The following FAM210A variants were observed in gnomAD, a reference collection of about 807,000 sequenced individuals.
FAM210A encodes mitochondrial inner membrane scaffold 1, also known as family with sequence similarity 210 member A.
In FAM210A, 13 loss-of-function variants were observed where a neutral mutation model predicts 25.3. The observed-to-expected ratio is 0.51, with a 90% CI of 0.33 to 0.82. The LOEUF is 0.82. Ranked by LOEUF, FAM210A falls within the 40% of genes least tolerant of loss-of-function variation. The probability of loss-of-function intolerance (pLI) is 0.02; values close to 1 mark genes in which losing one functional copy is unlikely to be tolerated. For synonymous variants in FAM210A, 125 were observed against 118.7 expected (o/e 1.05, Z -0.35); for missense variants, 319 against 323.2 (o/e 0.99, Z 0.10).
chr18:13,682,012 A>T lies in FAM210A; in HGVS notation c.66T>A (p.Asn22Lys), dbSNP rs552403778. Residue 22 changes from asparagine to lysine, a missense_variant, in exon 2 of 4, where the codon AAT (asparagine) becomes AAA (lysine). Coordinates refer to ENST00000651643, the MANE Select transcript of FAM210A (RefSeq NM_152352.4). ...LARRTCLEPH[N>K]AGLFGHCQNV... is the part of the protein sequence containing the mutation. ...TTTGACAGTGTCCAAAGAGACCAGC[A>T]TTATGTGGTTCCAAGCATGTCCTGC... is the stretch of plus-strand genomic sequence containing the variant. 6.2e-7 allele frequency: 1 copy of T among 1,614,084 alleles called. No homozygotes were observed. Among genetic ancestry groups the T allele is most frequent in the Admixed American group, 1.7e-5 (1 of 60,016 alleles).
chr18:13,682,173 A>C (rs2043561091), intron 1 of FAM210A, 68 bp from the exon 2 acceptor site: 1 of 1,048,286 alleles, frequency 9.5e-7, no homozygotes, highest in Admixed American at 2.5e-5. Context: ...ATTCATTTGA[A>C]AATCAATCAT....
At chr18:13,714,411 A>T (rs949916619) in intron 1 of FAM210A, among the ~76,000 whole-genome samples, 2 of 152,210 alleles carry the variant, frequency 1.3e-5, no homozygotes, top group Non-Finnish European at 2.9e-5. Context: ...AAAGGCACAG[A>T]GTGTCAATAT....
rs371437881 is a variant in FAM210A at position 13,669,191 on chromosome 18, T to C, written c.586-2478A>G. On this transcript the variant is annotated intron_variant, in intron 3 of 3. Coordinates refer to ENST00000651643, the MANE Select transcript of FAM210A (RefSeq NM_152352.4). ...CACTATTGCCTCTCAACTAAAATAC[T>C]GTAATCACCTCACCTCACACCAGGT... Among the ~76,000 whole-genome samples, 101 of 152,296 alleles carry C rather than the reference T, an allele frequency of 6.6e-4. 1 individual carries two copies. In the South Asian group the frequency reaches 0.02, roughly 29 times the overall value.
intron 1 of FAM210A, among the ~76,000 whole-genome samples, chr18:13,699,046 G>A (rs1031560312): frequency 2.0e-5 from 3 of 152,090 alleles, no homozygotes; most frequent in Non-Finnish European, 2.9e-5. Flanking sequence ...CTGACCTCAC[G>A]CAATCCCACT....
At chr18:13,715,083 T>C (rs1370663514) in intron 1 of FAM210A, 1 of 152,162 alleles carries the variant, frequency 6.6e-6, no homozygotes, top group Non-Finnish European at 1.5e-5. Context: ...CATAAATATT[T>C]ATTTATTTTT....
At chr18:13,695,263 GT>G (rs1422655673) in intron 1 of FAM210A, among the ~76,000 whole-genome samples, 4 of 152,342 alleles carry the variant, frequency 2.6e-5, no homozygotes, top group South Asian at 4.1e-4. Context: ...GACACTGTTG[GT>G]GGGACTGTAA....
At chr18:13,683,769 G>A (rs2043574501) in intron 1 of FAM210A, among the ~76,000 whole-genome samples, 1 of 152,032 alleles carries the variant, frequency 6.6e-6, no homozygotes, top group Admixed American at 6.6e-5. Context: ...GTTGAGAACA[G>A]ACACTTTAAC....
At chr18:13,714,347 C>T (rs1246163678) in intron 1 of FAM210A, among the ~76,000 whole-genome samples, 1 of 152,072 alleles carries the variant, frequency 6.6e-6, no homozygotes, top group East Asian at 1.9e-4. Flanking sequence ...AACTTCAGAG[C>T]ATTGGAAAAG....
At position 13,665,052 on chromosome 18, in the gene FAM210A, A is replaced by G. The variant is rs914273284; in HGVS notation, c.*1428T>C. The G allele has an allele frequency of 3.3e-5, 5 of 152,772 alleles. No homozygotes were observed. Among genetic ancestry groups the G allele is most frequent in the African/African-American group, 1.2e-4 (5 of 41,454 alleles). The allele number at this position is 152,772 out of a possible 1,614,324, so 9.5% of individuals were successfully genotyped here. A position where few individuals can be genotyped will look rare whatever the true frequency, so the allele number is the denominator to read the frequency against. On this transcript the variant is annotated 3_prime_UTR_variant, in exon 4 of 4. Transcript: ENST00000651643. ...AACGGCTGAATTTCATTACAAGCAA[A>G]TGATTTAATGATAGCTTTGTTAAGA...
chr18:13,724,921 G>C (rs1386244458), intron 1 of FAM210A, among the ~76,000 whole-genome samples: 2 of 152,002 alleles, frequency 1.3e-5, no homozygotes, highest in Non-Finnish European at 2.9e-5. Context: ...TTACAGGCAC[G>C]CGCCACCACG....
At chr18:13,720,059 T>A (rs895802052) in intron 1 of FAM210A, among the ~76,000 whole-genome samples, 4 of 152,212 alleles carry the variant, frequency 2.6e-5, no homozygotes, top group African/African-American at 9.7e-5. Context: ...TCTAGTCAGG[T>A]TGCATAACTT....
chr18:13,699,665 C>T (rs1282462198), intron 1 of FAM210A, among the ~76,000 whole-genome samples: 1 of 152,196 alleles, frequency 6.6e-6, no homozygotes, highest in African/African-American at 2.4e-5. Context: ...AGAATGGAGG[C>T]TTTGCCATCA....
rs182626893 is a variant in FAM210A at position 13,665,615 on chromosome 18, C to T, written c.*865G>A. The stretch of plus-strand genomic sequence containing the variant: ...AAACCTGACTCCATTTTTAGTCTCC[C>T]AAACCTTTTTCTGCTTGAGAACCAT... On this transcript the variant is annotated 3_prime_UTR_variant, in exon 4 of 4. Coordinates refer to ENST00000651643, the MANE Select transcript of FAM210A (RefSeq NM_152352.4). 6.6e-6 allele frequency: 1 copy of T among 151,758 alleles called. No homozygotes were observed. Among genetic ancestry groups the T allele is most frequent in the African/African-American group, 2.4e-5 (1 of 41,310 alleles). 9.4% of individuals were successfully genotyped at this position (151,758 alleles called of 1,614,324 possible). A position where few individuals can be genotyped will look rare whatever the true frequency, so the allele number is the denominator to read the frequency against.
At chr18:13,716,994 T>C (rs2043866307) in intron 1 of FAM210A, among the ~76,000 whole-genome samples, 1 of 151,992 alleles carries the variant, frequency 6.6e-6, no homozygotes. Context: ...GGCACTGGAG[T>C]GTGCTCTGTT....
At chr18:13,675,586 T>G (rs2043490010) in intron 2 of FAM210A, among the ~76,000 whole-genome samples, 1 of 145,690 alleles carries the variant, frequency 6.9e-6, no homozygotes, top group Non-Finnish European at 1.5e-5. Flanking sequence ...ATTTCCAGTT[T>G]CCTGATTATT....
chr18:13,725,434 A>G (rs1284200), intron 1 of FAM210A, among the ~76,000 whole-genome samples: 135,646 of 152,264 alleles, frequency 0.89, 60,530 homozygotes, highest in East Asian at 0.95. Context: ...TGGAAAGCAC[A>G]ACGCTGCAAA....
chr18:13,688,015 G>A (rs2149059499), intron 1 of FAM210A: 1 of 152,250 alleles, frequency 6.6e-6, no homozygotes, highest in Admixed American at 6.5e-5. Flanking sequence ...TTCTTCCCTA[G>A]GAGATAAACA....
chr18:13,694,605 T>C (rs1017841478), intron 1 of FAM210A, among the ~76,000 whole-genome samples: 1 of 152,046 alleles, frequency 6.6e-6, no homozygotes, highest in African/African-American at 2.4e-5. Flanking sequence ...TGACAAAAAC[T>C]AGAAATGGGG....
chr18:13,688,373 G>A (rs893117511), intron 1 of FAM210A, among the ~76,000 whole-genome samples: 1 of 152,206 alleles, frequency 6.6e-6, no homozygotes, highest in Non-Finnish European at 1.5e-5. Flanking sequence ...TGACAGAGGG[G>A]AGAAGTGGCT....
Sources: gnomAD v4.1 joint callset for allele counts (sites outside exome capture counted in the v4.1 genomes callset) on GRCh38, gnomAD v4.1.1 for gene constraint, MANE v1.5 for transcripts, NCBI Gene and HGNC (gene_info 2026-07-23, HGNC 2026-07-21) for gene names.